Variants in ASB5 observed in about 807,000 individuals in gnomAD.
ASB5 encodes the protein ankyrin repeat and SOCS box protein 5.
In ASB5, 45 loss-of-function variants were observed where a neutral mutation model predicts 42.1. The observed-to-expected ratio is 1.07, with a 90% confidence interval of 0.84 to 1.37. The LOEUF (loss-of-function observed/expected upper bound fraction) is 1.37. Ranked by LOEUF, ASB5 falls within the 40% of genes most tolerant of loss-of-function variation. ASB5 has a pLI of 0.00. For synonymous variants in ASB5, 147 were observed against 150.6 expected, an observed-to-expected ratio of 0.98 and a Z score of 0.18; for missense variants, 402 against 399.8, an observed-to-expected ratio of 1.01 and a Z score of -0.05.
At chr4:176,266,057 G>C (rs1754349963) in intron 1 of ASB5, among the ~76,000 whole-genome samples, 1 of 151,934 alleles carries the variant, frequency 6.6e-6, no homozygotes, top group South Asian at 2.1e-4. Context: ...CATTCTCATG[G>C]GTAATCATAC....
intron 1 of ASB5, among the ~76,000 whole-genome samples, chr4:176,226,936 C>T (rs1753396980): frequency 6.6e-6 from 1 of 152,230 alleles, no homozygotes; most frequent in Non-Finnish European, 1.5e-5. Flanking sequence ...AATGACTCAA[C>T]AGTGTCCTAG....
At chr4:176,218,226 T>A (rs62341380) in intron 5 of ASB5, among the ~76,000 whole-genome samples, 10,697 of 26,800 alleles carry the variant, frequency 0.4, 4,190 homozygotes, top group East Asian at 0.56. Context: ...ATGATATAAA[T>A]ATATATATAT....
intron 2 of ASB5, 102 bp downstream of exon 2, chr4:176,225,160 A>T (rs1753340487): frequency 1.2e-6 from 1 of 861,998 alleles, no homozygotes; most frequent in African/African-American, 1.7e-5. Context: ...AAAGGGCAGA[A>T]GTAAAATGTA....
intron 1 of ASB5, among the ~76,000 whole-genome samples, chr4:176,254,686 G>T (rs1023276713): frequency 1.1e-4 from 16 of 152,048 alleles, no homozygotes; most frequent in African/African-American, 3.9e-4. Context: ...GAATCTATAA[G>T]GAACTTAATT....
At chr4:176,241,528 G>C in intron 1 of ASB5, 1 of 1,532,766 alleles carries the variant, frequency 6.5e-7, no homozygotes, top group Non-Finnish European at 8.7e-7. Context: ...AGTTCTCAGA[G>C]GCTGTGCTGC....
At chr4:176,231,325 C>T (rs545694812) in intron 1 of ASB5, among the ~76,000 whole-genome samples, 1 of 151,774 alleles carries the variant, frequency 6.6e-6, no homozygotes, top group Admixed American at 6.6e-5. Flanking sequence ...GTAATATGAC[C>T]GTCGGCCTCC....
intron 4 of ASB5, 66 bp downstream of exon 4, chr4:176,221,383 CA>C: frequency 2.5e-6 from 4 of 1,597,834 alleles, no homozygotes; most frequent in Non-Finnish European, 3.4e-6. Flanking sequence ...ATTGAAAGAT[CA>C]ACAGAGCACT....
At chr4:176,236,277 T>C (rs1404352735) in intron 1 of ASB5, among the ~76,000 whole-genome samples, 2 of 152,194 alleles carry the variant, frequency 1.3e-5, no homozygotes, top group African/African-American at 2.4e-5. Context: ...GACAGGATTG[T>C]CTTTATTTCT....
intron 1 of ASB5, among the ~76,000 whole-genome samples, chr4:176,247,694 TTAAGTATATGGAAGAAA>T (rs1753939104): frequency 1.3e-5 from 2 of 152,232 alleles, no homozygotes; most frequent in Non-Finnish European, 2.9e-5. Context: ...AAGGAATGCT[TTAAGTATATGGAAGAAA>T]TACTTCCATT....
intron 2 of ASB5, among the ~76,000 whole-genome samples, chr4:176,274,360 G>T (rs1022162889): frequency 6.6e-6 from 1 of 151,712 alleles, no homozygotes; most frequent in African/African-American, 2.4e-5. Flanking sequence ...TCACTTGTAC[G>T]GAAAAAAAAC....
At chr4:176,259,083 A>G (rs1276793852) in intron 1 of ASB5, among the ~76,000 whole-genome samples, 1 of 152,124 alleles carries the variant, frequency 6.6e-6, no homozygotes, top group Non-Finnish European at 1.5e-5. Flanking sequence ...CATCATAACT[A>G]TGGTGGGTGG....
intron 1 of ASB5, among the ~76,000 whole-genome samples, chr4:176,260,477 A>T (rs997346299): frequency 6.6e-6 from 1 of 152,190 alleles, no homozygotes; most frequent in East Asian, 1.9e-4. Context: ...CACCTGGAAG[A>T]TTCTTTCAGT....
At chr4:176,245,876 C>T (rs1246891790) in intron 1 of ASB5, among the ~76,000 whole-genome samples, 1 of 151,974 alleles carries the variant, frequency 6.6e-6, no homozygotes, top group African/African-American at 2.4e-5. Context: ...GGGTGAGGAA[C>T]ATCACACACT....
chr4:176,242,177 C>T (rs1030915499), intron 1 of ASB5, among the ~76,000 whole-genome samples: 22 of 152,164 alleles, frequency 1.4e-4, no homozygotes, highest in African/African-American at 4.8e-4. Context: ...TCCAATCTCA[C>T]TTGGAACAAC....
At chr4:176,222,672 G>T (rs1250527563) in intron 2 of ASB5, among the ~76,000 whole-genome samples, 1 of 152,094 alleles carries the variant, frequency 6.6e-6, no homozygotes, top group Non-Finnish European at 1.5e-5. Flanking sequence ...ATAGATTCTG[G>T]CACATTTTCT....
chr4:176,274,633 C>A (rs1174191959), intron 2 of ASB5, among the ~76,000 whole-genome samples: 3 of 152,154 alleles, frequency 2.0e-5, no homozygotes, highest in Admixed American at 1.3e-4. Flanking sequence ...GGTAGCCACA[C>A]CCTGTGATCT....
upstream of ASB5, among the ~76,000 whole-genome samples, chr4:176,270,956 C>T (rs1754458764): frequency 6.6e-6 from 1 of 152,174 alleles, no homozygotes; most frequent in African/African-American, 2.4e-5. Context: ...TCAGTCCTTT[C>T]TCTTTACCAG....
chr4:176,260,648 T>C lies in ASB5; in HGVS notation c.196+8265A>G, dbSNP rs543463899. On this transcript the variant is annotated intron_variant, in intron 1 of 6. Coordinates refer to ENST00000296525, the MANE Select transcript of ASB5 (RefSeq NM_080874.4). ...GTTCCCTATGCAGCTGATAATGTTT[T>C]GTTTTGTTGTTGCTGTTGTTTGTTT... is the stretch of plus-strand genomic sequence containing the variant. 2.6e-5 allele frequency among the ~76,000 whole-genome samples: 4 copies of C among 152,238 alleles called. No homozygotes were observed. In the South Asian group the frequency reaches 8.3e-4, roughly 32 times the overall value.
intron 1 of ASB5, among the ~76,000 whole-genome samples, chr4:176,266,612 A>C (rs760431259): frequency 6.6e-6 from 1 of 152,138 alleles, no homozygotes; most frequent in Non-Finnish European, 1.5e-5. Context: ...TGCTCTCTTA[A>C]TGTTAAAATA....
Sources: allele counts gnomAD v4.1 joint callset (sites outside exome capture counted in the v4.1 genomes callset), GRCh38; gene constraint gnomAD v4.1.1; transcripts MANE v1.5; gene names NCBI Gene and HGNC (gene_info 2026-07-23, HGNC 2026-07-21).